The following CTNNA3 variants were observed in gnomAD, a reference collection of about 807,000 sequenced individuals.
CTNNA3 encodes the protein catenin alpha-3.
A neutral mutation model predicts 95.7 loss-of-function variants in CTNNA3; 76 were observed. The ratio of observed to expected loss-of-function variants is 0.79; its 90% confidence interval spans 0.66 to 0.96. CTNNA3 has a LOEUF of 0.96. Among genes scored for constraint, CTNNA3 ranks in the 40% least tolerant of loss-of-function variants. The pLI, the probability that CTNNA3 is intolerant of heterozygous loss-of-function variation, is 0.00. For synonymous variants in CTNNA3, 431 were observed against 374.4 expected, an observed-to-expected ratio of 1.15 and a Z score of -1.74; for missense variants, 1,191 against 1,089.8, an observed-to-expected ratio of 1.09 and a Z score of -1.31.
At chr10:67,150,099 A>G (rs923790782) in intron 7 of CTNNA3, among the ~76,000 whole-genome samples, 3 of 152,324 alleles carry the variant, frequency 2.0e-5, no homozygotes, top group African/African-American at 2.4e-5. Flanking sequence ...TCAATTATGC[A>G]TATGAATAAT....
chr10:67,135,072 T>C (rs892563468), intron 7 of CTNNA3, among the ~76,000 whole-genome samples: 3 of 152,064 alleles, frequency 2.0e-5, no homozygotes, highest in Non-Finnish European at 2.9e-5. Flanking sequence ...TTCAAGTTGA[T>C]ATGGTTCTGG....
At chr10:66,950,385 T>C (rs1848480949) in intron 7 of CTNNA3, among the ~76,000 whole-genome samples, 1 of 152,092 alleles carries the variant, frequency 6.6e-6, no homozygotes, top group Non-Finnish European at 1.5e-5. Context: ...CTAAACATGC[T>C]TAAGGCAGGT....
chr10:66,114,884 A>G (rs1334877190), intron 13 of CTNNA3, among the ~76,000 whole-genome samples: 1 of 151,996 alleles, frequency 6.6e-6, no homozygotes, highest in African/African-American at 2.4e-5. Flanking sequence ...ATCTCAAAAA[A>G]AAAAAGAAAA....
chr10:67,700,240 G>T (rs1841025208), upstream of CTNNA3, among the ~76,000 whole-genome samples: 1 of 152,202 alleles, frequency 6.6e-6, no homozygotes, highest in African/African-American at 2.4e-5. Flanking sequence ...GCAGACTTAA[G>T]TGTACCTGTC....
At chr10:67,708,987 T>C (rs1589577547) in intron 1 of CTNNA3, among the ~76,000 whole-genome samples, 1 of 151,618 alleles carries the variant, frequency 6.6e-6, no homozygotes, top group East Asian at 1.9e-4. Context: ...CTTATATATA[T>C]GTATGTATTC....
At chr10:66,215,339 A>ACAT (rs1385911772) in intron 13 of CTNNA3, among the ~76,000 whole-genome samples, 1 of 152,172 alleles carries the variant, frequency 6.6e-6, no homozygotes, top group Non-Finnish European at 1.5e-5. Context: ...TATGCCCTTT[A>ACAT]CATCAGTTAC....
At chr10:65,944,063 G>A (rs1023254273) in intron 17 of CTNNA3, among the ~76,000 whole-genome samples, 4 of 152,204 alleles carry the variant, frequency 2.6e-5, no homozygotes, top group Non-Finnish European at 5.9e-5. Flanking sequence ...CCTAGGAATT[G>A]TTGCTAAAGC....
Position 66,360,596 on chromosome 10 carries a change from C to CTTCTTTCTTTCTTTCTTTCTCTTTCT in CTNNA3, c.1732+18555_1732+18556insAGAAAGAGAAAGAAAGAAAGAAAGAA, listed in dbSNP as rs2092646773. Among the ~76,000 whole-genome samples the CTTCTTTCTTTCTTTCTTTCTCTTTCT allele has an allele frequency of 5.5e-4, 52 of 94,178 alleles. 9 individuals carry two copies. The highest frequency in any genetic ancestry group is 3.6e-3 in the South Asian group (11 of 3,040). The allele number at this position is 94,178 out of a possible 152,430, so 61.8% of individuals were successfully genotyped here. On this transcript the variant is annotated intron_variant, in intron 12 of 17. Transcript: ENST00000433211. ...AGGCTTACCTCTAATGTATTCTTTC[C>CTTCTTTCTTTCTTTCTTTCTCTTTCT]TTCTTTCTTTCTTTCTTTCTTTCTT...
intron 7 of CTNNA3, among the ~76,000 whole-genome samples, chr10:66,929,957 A>C (rs1383892271): frequency 1.3e-5 from 2 of 152,196 alleles, no homozygotes; most frequent in Non-Finnish European, 2.9e-5. Flanking sequence ...TGTTTCATTT[A>C]ATTTGGCTTG....
At chr10:67,297,367 A>G (rs1376241019) in intron 5 of CTNNA3, among the ~76,000 whole-genome samples, 3 of 152,322 alleles carry the variant, frequency 2.0e-5, no homozygotes, top group East Asian at 3.9e-4. Context: ...ATTACTGCAT[A>G]TTGATACCTT....
At chr10:65,952,317 T>C (rs1261546974) in intron 17 of CTNNA3, among the ~76,000 whole-genome samples, 1 of 152,206 alleles carries the variant, frequency 6.6e-6, no homozygotes, top group Non-Finnish European at 1.5e-5. Flanking sequence ...TACTAAGGTC[T>C]GATTACTTCC....
At chr10:67,423,595 A>T (rs1292956247) in intron 5 of CTNNA3, among the ~76,000 whole-genome samples, 1 of 152,160 alleles carries the variant, frequency 6.6e-6, no homozygotes, top group Non-Finnish European at 1.5e-5. Context: ...TCAAATTCAA[A>T]ATGAGAACTA....
chr10:66,516,361 T>A (rs569565513), intron 11 of CTNNA3, among the ~76,000 whole-genome samples: 2 of 152,232 alleles, frequency 1.3e-5, no homozygotes, highest in South Asian at 4.1e-4. Context: ...ACATGTCTGC[T>A]TGACTGTTTA....
At chr10:66,184,657 A>G (rs769579450) in intron 13 of CTNNA3, among the ~76,000 whole-genome samples, 5 of 152,186 alleles carry the variant, frequency 3.3e-5, no homozygotes, top group Admixed American at 3.3e-4. Flanking sequence ...TCTCATTGGA[A>G]CAACGTGACA....
chr10:66,788,879 G>A (rs1483422359), intron 7 of CTNNA3, among the ~76,000 whole-genome samples: 3 of 152,112 alleles, frequency 2.0e-5, no homozygotes, highest in African/African-American at 7.2e-5. Context: ...GTTTAAGGGG[G>A]TGCCAGTCAA....
intron 15 of CTNNA3, among the ~76,000 whole-genome samples, chr10:66,005,856 A>G (rs752712979): frequency 5.3e-5 from 8 of 152,054 alleles, no homozygotes; most frequent in Non-Finnish European, 1.0e-4. Flanking sequence ...CAAATACTAT[A>G]TAAATACTGC....
chr10:66,052,195 G>A (rs7898030), intron 15 of CTNNA3, among the ~76,000 whole-genome samples: 2 of 152,142 alleles, frequency 1.3e-5, no homozygotes, highest in African/African-American at 4.8e-5. Flanking sequence ...TAAGTGCCAT[G>A]ATAATTACAA....
At chr10:66,213,211 TG>T (rs2088286187) in intron 13 of CTNNA3, among the ~76,000 whole-genome samples, 1 of 152,196 alleles carries the variant, frequency 6.6e-6, no homozygotes, top group African/African-American at 2.4e-5. Flanking sequence ...CATAGGATAT[TG>T]AGATTACATT....
rs117835499 is a variant in CTNNA3, at chr10:65,928,176, G to A, written c.2401-7559C>T. Reference sequence around the variant, plus strand: ...TTATGCTTACTTTGTATTAATTTTTGTATATGGAGTAATGTGCAGTACATT... The same window carrying A: ...TTATGCTTACTTTGTATTAATTTTTATATATGGAGTAATGTGCAGTACATT... On this transcript the variant is annotated intron_variant, in intron 17 of 17. Coordinates refer to ENST00000433211, the MANE Select transcript of CTNNA3 (RefSeq NM_013266.4). Among the ~76,000 whole-genome samples, 107 of 152,192 alleles carry A rather than the reference G, an allele frequency of 7.0e-4. No individual in the cohort carries two copies. The Middle Eastern group carries it at 0.01, about 15-fold the overall frequency.
Sources: gnomAD v4.1 joint callset for allele counts (sites outside exome capture counted in the v4.1 genomes callset) on GRCh38, gnomAD v4.1.1 for gene constraint, MANE v1.5 for transcripts, NCBI Gene and HGNC (gene_info 2026-07-23, HGNC 2026-07-21) for gene names.